MEMO1: variants seen among roughly 807,000 people sequenced by gnomAD.
MEMO1 encodes the protein protein MEMO1.
A neutral mutation model predicts 45.2 loss-of-function variants in MEMO1; 6 were observed. That is an observed-to-expected ratio of 0.13 (90% CI 0.07 to 0.26). MEMO1 has a LOEUF of 0.26. Ranked by LOEUF, MEMO1 falls within the 10% of genes least tolerant of loss-of-function variation. The pLI, the probability that MEMO1 is intolerant of heterozygous loss-of-function variation, is 1.00. For missense variants in MEMO1, 184 were observed against 370.5 expected (o/e 0.50, Z 4.13); for synonymous variants, 78 against 124.3 (o/e 0.63, Z 2.48).
At chr2:31,870,254 C>T (rs1030882568) in intron 8 of MEMO1, among the ~76,000 whole-genome samples, 1 of 152,012 alleles carries the variant, frequency 6.6e-6, no homozygotes, top group African/African-American at 2.4e-5. Flanking sequence ...TCAAACATTT[C>T]ATAATATTAT....
At chr2:31,908,883 G>A (rs1680163679) in intron 6 of MEMO1, among the ~76,000 whole-genome samples, 1 of 152,204 alleles carries the variant, frequency 6.6e-6, no homozygotes, top group Admixed American at 6.5e-5. Context: ...CTGACCTAAA[G>A]TGGGAGAAAA....
intron 5 of MEMO1, among the ~76,000 whole-genome samples, chr2:31,920,170 C>A (rs778697327): frequency 6.4e-4 from 97 of 151,788 alleles, no homozygotes; most frequent in East Asian, 2.9e-3. Context: ...TACTCCCCCC[C>A]CCAAAAGAAA....
intron 2 of MEMO1, among the ~76,000 whole-genome samples, chr2:32,001,807 T>C (rs1203062713): frequency 2.0e-5 from 3 of 152,170 alleles, no homozygotes; most frequent in Non-Finnish European, 2.9e-5. Context: ...AATAAAGACT[T>C]GCCTGCATTA....
chr2:31,944,434 G>C (rs1665965889), intron 2 of MEMO1, among the ~76,000 whole-genome samples: 1 of 152,136 alleles, frequency 6.6e-6, no homozygotes. Flanking sequence ...TTTAGCACTG[G>C]AAGTGCTGCA....
chr2:32,005,335 AAG>A (rs1472029740), intron 2 of MEMO1, among the ~76,000 whole-genome samples: 3 of 151,472 alleles, frequency 2.0e-5, no homozygotes, highest in African/African-American at 7.3e-5. Context: ...AAAAAAAAAA[AAG>A]AAGCTCAAAG....
chr2:31,942,992 T>A (rs566251108), intron 3 of MEMO1, among the ~76,000 whole-genome samples: 1 of 152,250 alleles, frequency 6.6e-6, no homozygotes, highest in South Asian at 2.1e-4. Flanking sequence ...TTAAGTAGAC[T>A]CTTAAAACTT....
intron 2 of MEMO1, among the ~76,000 whole-genome samples, chr2:31,954,727 G>T (rs985476610): frequency 6.6e-6 from 1 of 151,998 alleles, no homozygotes; most frequent in Non-Finnish European, 1.5e-5. Flanking sequence ...TCAACTACTA[G>T]GGAGGCTGAG....
chr2:31,968,864 T>G (rs1668942928), intron 2 of MEMO1, among the ~76,000 whole-genome samples: 1 of 152,134 alleles, frequency 6.6e-6, no homozygotes, highest in Non-Finnish European at 1.5e-5. Context: ...TTTTAACTCT[T>G]TCTTCTCATA....
chr2:31,916,412 A>G (rs145134010), intron 6 of MEMO1, among the ~76,000 whole-genome samples: 3 of 152,258 alleles, frequency 2.0e-5, no homozygotes, highest in Non-Finnish European at 4.4e-5. Context: ...TATTTTTAGT[A>G]GAGACAGAGT....
intron 2 of MEMO1, among the ~76,000 whole-genome samples, chr2:32,008,863 A>G (rs1674433569): frequency 6.6e-6 from 1 of 152,204 alleles, no homozygotes; most frequent in Admixed American, 6.5e-5. Context: ...ACATGTATTT[A>G]ATGAGCTAGT....
intron 2 of MEMO1, among the ~76,000 whole-genome samples, chr2:31,984,947 G>A (rs1383330076): frequency 6.6e-6 from 1 of 152,250 alleles, no homozygotes; most frequent in Non-Finnish European, 1.5e-5. Flanking sequence ...AGATGTTACT[G>A]TAAGATGTTA....
intron 8 of MEMO1, among the ~76,000 whole-genome samples, chr2:31,883,072 T>A (rs1407811555): frequency 6.6e-6 from 1 of 152,160 alleles, no homozygotes; most frequent in Non-Finnish European, 1.5e-5. Context: ...GCTATGGTTA[T>A]TACTGCTTAA....
At chr2:31,899,928 G>A (rs11898765) in intron 6 of MEMO1, among the ~76,000 whole-genome samples, 23,122 of 152,156 alleles carry the variant, frequency 0.15, 1,977 homozygotes, top group African/African-American at 0.23. Flanking sequence ...TATATGAAAA[G>A]AAGCTCATCA....
chr2:31,883,284 A>C, intron 8 of MEMO1, 102 bp downstream of exon 8: 1 of 826,884 alleles, frequency 1.2e-6, no homozygotes, highest in Non-Finnish European at 1.9e-6. Flanking sequence ...ATTTAAAGAT[A>C]GGGAAAAAAT....
intron 2 of MEMO1, among the ~76,000 whole-genome samples, chr2:31,988,944 C>A (rs764573166): frequency 1.3e-5 from 2 of 151,910 alleles, no homozygotes; most frequent in Admixed American, 6.6e-5. Context: ...TGGTGGCTCA[C>A]GCCTGTAATC....
intron 6 of MEMO1, among the ~76,000 whole-genome samples, chr2:31,915,778 G>C (rs188283204): frequency 6.6e-6 from 1 of 152,264 alleles, no homozygotes; most frequent in East Asian, 1.9e-4. Flanking sequence ...TTGTGGACCG[G>C]AGCAAGGTGT....
intron 2 of MEMO1, among the ~76,000 whole-genome samples, chr2:31,949,587 G>C (rs1018505872): frequency 6.8e-6 from 1 of 146,040 alleles, no homozygotes; most frequent in Non-Finnish European, 1.5e-5. Context: ...ATGGTTACCA[G>C]AGGCTGGGAA....
At chr2:31,977,235 T>G (rs993016280) in intron 2 of MEMO1, among the ~76,000 whole-genome samples, 5 of 152,170 alleles carry the variant, frequency 3.3e-5, no homozygotes, top group African/African-American at 1.2e-4. Context: ...CTAGAATAGC[T>G]GACCCCTTTA....
chr2:31,971,724 T>C (rs34776070), intron 2 of MEMO1, among the ~76,000 whole-genome samples: 20,185 of 151,968 alleles, frequency 0.13, 1,529 homozygotes, highest in African/African-American at 0.2. Context: ...AATCCCAGCA[T>C]TTTGGGAGGC....
Sources: gnomAD v4.1 joint callset for allele counts (sites outside exome capture counted in the v4.1 genomes callset) on GRCh38, gnomAD v4.1.1 for gene constraint, MANE v1.5 for transcripts, NCBI Gene and HGNC (gene_info 2026-07-23, HGNC 2026-07-21) for gene names.